Variants in KCNMB3 observed in about 807,000 individuals in gnomAD.
KCNMB3 encodes the protein calcium-activated potassium channel subunit beta-3.
KCNMB3 carries 18 observed loss-of-function variants against 11.9 expected under a neutral mutation model. That is an observed-to-expected ratio of 1.51 (90% CI 1.04 to 2.23). KCNMB3 has a LOEUF of 2.23. Among genes scored for constraint, KCNMB3 ranks in the 30% most tolerant of loss-of-function variants. KCNMB3 has a pLI of 0.00. For missense variants in KCNMB3, 247 were observed against 329.4 expected (o/e 0.75, Z 1.94); for synonymous variants, 78 against 119.2 (o/e 0.65, Z 2.25).
chr3:179,259,862 G>C lies in KCNMB3; in HGVS notation c.62+6787C>G, dbSNP rs560969403. The stretch of plus-strand genomic sequence containing the variant: ...TTGGACCTGTCGCCTCCTGACCCTT[G>C]CTCTCAGTTCCTGCTGGAGAACCAG... On this transcript the variant is annotated intron_variant, in intron 1 of 3. Coordinates refer to the KCNMB3 transcript ENST00000349697. The C allele has an allele frequency of 2.0e-5, 33 of 1,612,700 alleles. No homozygotes were observed. The East Asian group carries it at 6.0e-4, about 29-fold the overall frequency.
chr3:179,260,434 T>C (rs1726169169), intron 1 of KCNMB3: 7 of 1,613,872 alleles, frequency 4.3e-6, no homozygotes, highest in Non-Finnish European at 5.1e-6. Context: ...AATACCTCTA[T>C]GTCCACACAA....
chr3:179,242,673 G>A (rs1725493266), downstream of KCNMB3: 1 of 660,690 alleles, frequency 1.5e-6, no homozygotes, highest in Admixed American at 4.2e-5. Flanking sequence ...AAAAAACAGT[G>A]CTTCCTTAGC....
chr3:179,265,067 G>C (rs764786056), intron 1 of KCNMB3, among the ~76,000 whole-genome samples: 1 of 152,196 alleles, frequency 6.6e-6, no homozygotes, highest in Non-Finnish European at 1.5e-5. Context: ...TTTATATCTA[G>C]TTAATTGTGT....
At chr3:179,249,021 T>TA (rs1347115278) in intron 1 of KCNMB3, among the ~76,000 whole-genome samples, 4 of 145,890 alleles carry the variant, frequency 2.7e-5, no homozygotes, top group African/African-American at 1.0e-4. Context: ...TTTTTTTTTT[T>TA]TTTTTTTTTG....
At chr3:179,254,168 A>G (rs1252187772), upstream of KCNMB3, among the ~76,000 whole-genome samples, 2 of 152,192 alleles carry the variant, frequency 1.3e-5, no homozygotes, top group Non-Finnish European at 2.9e-5. Flanking sequence ...CCATCCAACT[A>G]GAGCTGGGAC....
At position 179,259,747 on chromosome 3, in the gene KCNMB3, G is replaced by A. The variant is rs571922976; in HGVS notation, c.62+6902C>T. The A allele has an allele frequency of 1.0e-3, 1,650 of 1,598,326 alleles. 8 individuals are homozygous for A. Among genetic ancestry groups the A allele is most frequent in the South Asian group, 2.9e-3 (253 of 87,220 alleles). ...TTCTTTTTCTTGTTCTTTCTCTTCT[G>A]CAATGAGTCCAATGCCTCTCCCTGT... is the stretch of plus-strand genomic sequence containing the variant. On this transcript the variant is annotated intron_variant, in intron 1 of 3. Transcript: ENST00000349697.
chr3:179,258,181 C>T (rs1261473320), intron 1 of KCNMB3, among the ~76,000 whole-genome samples: 4 of 152,122 alleles, frequency 2.6e-5, no homozygotes, highest in Non-Finnish European at 2.9e-5. Context: ...CCACCACACC[C>T]GGCCAAAAAC....
intron 1 of KCNMB3, among the ~76,000 whole-genome samples, chr3:179,264,199 CCATGT>C (rs1458506210): frequency 6.6e-6 from 1 of 152,128 alleles, no homozygotes; most frequent in Non-Finnish European, 1.5e-5. Flanking sequence ...AAGCACTTTC[CCATGT>C]CATTAACAAT....
intron 1 of KCNMB3, chr3:179,260,051 T>C: frequency 1.2e-6 from 2 of 1,611,786 alleles, no homozygotes; most frequent in South Asian, 2.2e-5. Context: ...TGCTTGTCTC[T>C]AACTGTTGGG....
chr3:179,262,027 G>A (rs1029333916), intron 1 of KCNMB3, among the ~76,000 whole-genome samples: 2 of 152,172 alleles, frequency 1.3e-5, no homozygotes, highest in African/African-American at 4.8e-5. Context: ...CACGGAAAAT[G>A]TAACAATGCT....
At chr3:179,266,851 G>T in exon 1 of KCNMB3, 1 of 1,439,330 alleles carries the variant, frequency 6.9e-7, no homozygotes, top group South Asian at 1.5e-5. Context: ...GCCATTAGAA[G>T]CCCCCCGCCT....
intron 1 of KCNMB3, chr3:179,259,185 T>A (rs1468055928): frequency 1.9e-6 from 3 of 1,553,562 alleles, no homozygotes; most frequent in Non-Finnish European, 2.6e-6. Flanking sequence ...ACTTGGATGT[T>A]CTGACATCCC....
chr3:179,259,676 A>G, intron 1 of KCNMB3: 1 of 1,607,790 alleles, frequency 6.2e-7, no homozygotes, highest in Non-Finnish European at 8.5e-7. Context: ...CTTTTTAAAC[A>G]TCTTTAAGGG....
rs528697677 is a variant in KCNMB3, at chr3:179,259,917, C to T, written c.62+6732G>A. ...TTCTGTCTTGATTGGTTTCTCATCC[C>T]TTAATCCTTTTTCTTCACCCTCTTC... On this transcript the variant is annotated intron_variant, in intron 1 of 3. Coordinates refer to the KCNMB3 transcript ENST00000349697. The T allele has an allele frequency of 1.1e-5, 18 of 1,613,566 alleles. No individual in the cohort carries two copies. The East Asian group carries it at 3.8e-4, about 34-fold the overall frequency.
intron 1 of KCNMB3, chr3:179,259,861 T>C (rs1404669434): frequency 6.2e-7 from 1 of 1,612,938 alleles, no homozygotes; most frequent in Admixed American, 1.7e-5. Flanking sequence ...TCCTGACCCT[T>C]GCTCTCAGTT....
At chr3:179,259,058 G>T (rs1334747691) in intron 1 of KCNMB3, 2 of 1,611,286 alleles carry the variant, frequency 1.2e-6, no homozygotes, top group East Asian at 2.2e-5. Context: ...TGCCCTTCTC[G>T]TTCCCTCCTC....
upstream of KCNMB3, chr3:179,266,980 C>G: frequency 3.4e-6 from 4 of 1,186,970 alleles, no homozygotes; most frequent in Non-Finnish European, 4.2e-6. Flanking sequence ...GCAGCCGAAG[C>G]TGCTTCTCTC....
At chr3:179,260,702 A>C in intron 1 of KCNMB3, 3 of 1,409,272 alleles carry the variant, frequency 2.1e-6, no homozygotes, top group Non-Finnish European at 3.0e-6. Context: ...TTTCTCGAGC[A>C]TTTCCTCTGT....
chr3:179,249,176 C>T (rs1725748125), intron 1 of KCNMB3, among the ~76,000 whole-genome samples: 1 of 150,944 alleles, frequency 6.6e-6, no homozygotes. Context: ...CCGTGCCCAG[C>T]TAATTTTTTT....
Sources: gnomAD v4.1 joint callset for allele counts (sites outside exome capture counted in the v4.1 genomes callset) on GRCh38, gnomAD v4.1.1 for gene constraint, MANE v1.5 for transcripts, NCBI Gene and HGNC (gene_info 2026-07-23, HGNC 2026-07-21) for gene names.